The following RIT2 variants were observed in gnomAD, a reference collection of about 807,000 sequenced individuals.
The protein encoded by RIT2 is Ras like without CAAX 2.
A neutral mutation model predicts 23.7 loss-of-function variants in RIT2; 24 were observed. The ratio of observed to expected loss-of-function variants is 1.01; its 90% CI spans 0.73 to 1.43. The LOEUF (loss-of-function observed/expected upper bound fraction) is 1.43, where lower values mean the gene tolerates loss of function less well. RIT2 is among the 40% of genes most tolerant of loss of function. The pLI is 0.00. For synonymous variants in RIT2, 107 were observed against 91.1 expected, an observed-to-expected ratio of 1.17 and a Z score of -0.99; for missense variants, 236 against 266.9, an observed-to-expected ratio of 0.88 and a Z score of 0.81.
At chr18:43,018,552 A>T (rs569018884) in intron 2 of RIT2, among the ~76,000 whole-genome samples, 288 of 152,012 alleles carry the variant, frequency 1.9e-3, no homozygotes, top group Middle Eastern at 3.4e-3. Flanking sequence ...ATAGAAGGGA[A>T]CCCCCATCAG....
intron 2 of RIT2, among the ~76,000 whole-genome samples, chr18:42,980,880 C>T (rs1240432008): frequency 6.6e-6 from 1 of 152,090 alleles, no homozygotes; most frequent in East Asian, 1.9e-4. Context: ...GGACATGTAG[C>T]CCTGGCAAGA....
At chr18:43,071,723 G>C (rs905795267) in intron 1 of RIT2, among the ~76,000 whole-genome samples, 2 of 151,972 alleles carry the variant, frequency 1.3e-5, no homozygotes, top group Non-Finnish European at 2.9e-5. Flanking sequence ...TTAATACTTT[G>C]ACAAATTATT....
chr18:43,033,282 C>T (rs1210822934), intron 2 of RIT2, among the ~76,000 whole-genome samples: 1 of 152,056 alleles, frequency 6.6e-6, no homozygotes. Flanking sequence ...AGGAATAAAA[C>T]ATGGGTGGTG....
At chr18:42,942,227 C>T (rs140101978) in intron 3 of RIT2, among the ~76,000 whole-genome samples, 12 of 152,248 alleles carry the variant, frequency 7.9e-5, no homozygotes, top group Non-Finnish European at 1.2e-4. Context: ...CTCCATATGG[C>T]TTGGCATAAG....
chr18:43,001,353 A>T lies in RIT2; in HGVS notation c.161-27206T>A, dbSNP rs528328295. Among the ~76,000 whole-genome samples, 6 of 152,132 alleles carry T rather than the reference A, an allele frequency of 3.9e-5. No homozygotes were observed. The South Asian group carries it at 1.2e-3, about 31-fold the overall frequency. ...GGGACATAAAACAAGACAAAAATAA[A>T]GTATTTGGTGAAATTTCAAGGAAAA... On this transcript the variant is annotated intron_variant, in intron 2 of 4. Coordinates refer to ENST00000326695, the MANE Select transcript of RIT2 (RefSeq NM_002930.4).
intron 4 of RIT2, among the ~76,000 whole-genome samples, chr18:42,860,258 T>G (rs1246413421): frequency 1.3e-5 from 2 of 152,120 alleles, no homozygotes; most frequent in Non-Finnish European, 2.9e-5. Context: ...TAGGCTACAG[T>G]TTTTAACAGA....
At chr18:43,039,816 C>A (rs537592910) in intron 1 of RIT2, among the ~76,000 whole-genome samples, 11 of 152,206 alleles carry the variant, frequency 7.2e-5, no homozygotes, top group Non-Finnish European at 1.6e-4. Context: ...ACCAGTAAAC[C>A]CTTATGTGTA....
At chr18:42,934,753 T>C (rs1437684140) in intron 3 of RIT2, among the ~76,000 whole-genome samples, 3 of 152,200 alleles carry the variant, frequency 2.0e-5, no homozygotes, top group South Asian at 2.1e-4. Flanking sequence ...CTAGGACATA[T>C]GATAATTTTA....
chr18:42,987,260 C>A (rs2144222229), intron 2 of RIT2, among the ~76,000 whole-genome samples: 1 of 152,202 alleles, frequency 6.6e-6, no homozygotes, highest in East Asian at 1.9e-4. Flanking sequence ...TAGACTTGAC[C>A]ATGCAACTTG....
In RIT2 at chr18:43,059,926, G is replaced by A. The variant is rs369454473; in HGVS notation, c.104-26059C>T. On this transcript the variant is annotated intron_variant, in intron 1 of 4. Transcript: ENST00000326695. ...GAGTGGGTCCAGGATTTAGACATGT[G>A]CAACAAGTGGTAAGTAACCCCACCT... Among the ~76,000 whole-genome samples, 3 of 152,250 alleles carry A rather than the reference G, an allele frequency of 2.0e-5. No homozygotes were observed. In the East Asian group the frequency reaches 5.8e-4, roughly 30 times the overall value.
chr18:42,859,120 G>C (rs920455027), intron 4 of RIT2, among the ~76,000 whole-genome samples: 1 of 152,096 alleles, frequency 6.6e-6, no homozygotes, highest in African/African-American at 2.4e-5. Context: ...AATATTTTGA[G>C]GAACTGCTGA....
At chr18:43,082,991 A>G (rs1913193783) in intron 1 of RIT2, among the ~76,000 whole-genome samples, 1 of 152,198 alleles carries the variant, frequency 6.6e-6, no homozygotes, top group East Asian at 1.9e-4. Context: ...CTATCGTCTC[A>G]GCCCAAAACC....
chr18:42,757,387 T>C (rs1463612177), intron 4 of RIT2, among the ~76,000 whole-genome samples: 2 of 152,182 alleles, frequency 1.3e-5, no homozygotes, highest in Admixed American at 1.3e-4. Context: ...CAGATGACTT[T>C]GATGAAGCCT....
intron 1 of RIT2, among the ~76,000 whole-genome samples, chr18:43,087,566 C>T (rs754273430): frequency 6.6e-6 from 1 of 152,162 alleles, no homozygotes; most frequent in East Asian, 1.9e-4. Flanking sequence ...TTCCTTCTCT[C>T]TGGTCCTACA....
At chr18:42,895,451 T>C (rs1319075153) in intron 4 of RIT2, among the ~76,000 whole-genome samples, 2 of 152,220 alleles carry the variant, frequency 1.3e-5, no homozygotes. Context: ...TAAGTTCCTT[T>C]CAAATACATA....
At chr18:42,796,814 C>T (rs1346966562) in intron 4 of RIT2, among the ~76,000 whole-genome samples, 1 of 152,138 alleles carries the variant, frequency 6.6e-6, no homozygotes, top group Non-Finnish European at 1.5e-5. Flanking sequence ...GCCAGAACTG[C>T]ATTATAAATT....
chr18:43,110,581 T>A (rs1293488265), intron 1 of RIT2, among the ~76,000 whole-genome samples: 2 of 152,126 alleles, frequency 1.3e-5, no homozygotes, highest in Non-Finnish European at 2.9e-5. Context: ...TTTATTTTTA[T>A]TTTTTAGGGT....
At chr18:42,801,685 T>C (rs1419052188) in intron 4 of RIT2, among the ~76,000 whole-genome samples, 1 of 152,172 alleles carries the variant, frequency 6.6e-6, no homozygotes, top group Non-Finnish European at 1.5e-5. Flanking sequence ...AAGCTACAAA[T>C]AGCTAACTCT....
At chr18:42,810,722 G>T (rs772302797) in intron 4 of RIT2, among the ~76,000 whole-genome samples, 2 of 151,914 alleles carry the variant, frequency 1.3e-5, no homozygotes, top group Non-Finnish European at 2.9e-5. Context: ...TTCAAGAGGA[G>T]AATAGGTGCT....
Sources: gnomAD v4.1 joint callset for allele counts (sites outside exome capture counted in the v4.1 genomes callset) on GRCh38, gnomAD v4.1.1 for gene constraint, MANE v1.5 for transcripts, NCBI Gene and HGNC (gene_info 2026-07-23, HGNC 2026-07-21) for gene names.